THRB: variants seen among roughly 807,000 people sequenced by gnomAD.
The protein encoded by THRB is thyroid hormone receptor beta.
A neutral mutation model predicts 47.8 loss-of-function variants in THRB; 12 were observed. The ratio of observed to expected loss-of-function variants is 0.25; its 90% CI spans 0.16 to 0.41. THRB has a LOEUF of 0.41. THRB is among the 10% of genes least tolerant of loss of function. The probability of loss-of-function intolerance (pLI) is 1.00; values close to 1 mark genes in which losing one functional copy is unlikely to be tolerated. For synonymous variants in THRB, 218 were observed against 212.2 expected, an observed-to-expected ratio of 1.03 and a Z score of -0.24; for missense variants, 348 against 589.2, an observed-to-expected ratio of 0.59 and a Z score of 4.24.
At chr3:24,172,929 G>A (rs913290295) in intron 5 of THRB, among the ~76,000 whole-genome samples, 1 of 152,126 alleles carries the variant, frequency 6.6e-6, no homozygotes, top group Admixed American at 6.5e-5. Flanking sequence ...AGCTACAGCA[G>A]CCTTTTACTA....
At chr3:24,141,594 T>C (rs1053700784) in intron 8 of THRB, among the ~76,000 whole-genome samples, 2 of 152,250 alleles carry the variant, frequency 1.3e-5, no homozygotes, top group African/African-American at 4.8e-5. Flanking sequence ...TGGCACATAG[T>C]ATCCACTCAA....
intron 2 of THRB, among the ~76,000 whole-genome samples, chr3:24,325,531 A>G (rs1381228639): frequency 6.6e-6 from 1 of 152,182 alleles, no homozygotes; most frequent in Non-Finnish European, 1.5e-5. Context: ...TATTAAAAAT[A>G]CAAAAATTAG....
rs889087308 is a variant in THRB at position 24,173,766 on chromosome 3, C to A, written c.283+16308G>T. On this transcript the variant is annotated intron_variant, in intron 5 of 10. Coordinates refer to ENST00000646209, the MANE Select transcript of THRB (RefSeq NM_001354712.2). ...GGTTCTATTCTCAGCCCTCTTCTAA[C>A]CATACATATTCTTCCAGGTGAAGCC... is the stretch of plus-strand genomic sequence containing the variant. Among the ~76,000 whole-genome samples the A allele has an allele frequency of 1.3e-5, 2 of 152,310 alleles. 1 individual carries two copies. Among genetic ancestry groups the A allele is most frequent in the East Asian group, 3.9e-4 (2 of 5,188 alleles).
At chr3:24,143,127 CTAAA>C in intron 8 of THRB, among the ~76,000 whole-genome samples, 1 of 152,134 alleles carries the variant, frequency 6.6e-6, no homozygotes, top group South Asian at 2.1e-4. Flanking sequence ...AGTTCAGGGA[CTAAA>C]TATGTATATA....
intron 1 of THRB, among the ~76,000 whole-genome samples, chr3:24,440,088 A>T (rs1166210626): frequency 6.6e-6 from 1 of 152,214 alleles, no homozygotes; most frequent in Non-Finnish European, 1.5e-5. Flanking sequence ...GTAAATAACA[A>T]ATCTATATAT....
intron 1 of THRB, among the ~76,000 whole-genome samples, chr3:24,461,497 A>G (rs2125655129): frequency 6.6e-6 from 1 of 152,376 alleles, no homozygotes. Flanking sequence ...CTTATCTGCC[A>G]AGTTAAGGCA....
chr3:24,473,053 G>T (rs1039652912), intron 1 of THRB, among the ~76,000 whole-genome samples: 1 of 151,926 alleles, frequency 6.6e-6, no homozygotes, highest in South Asian at 2.1e-4. Context: ...AAATGGACTG[G>T]CCAAAGCTTT....
At chr3:24,387,144 G>T (rs2066185225) in intron 1 of THRB, among the ~76,000 whole-genome samples, 1 of 152,064 alleles carries the variant, frequency 6.6e-6, no homozygotes, top group South Asian at 2.1e-4. Context: ...TCACAGGGAG[G>T]AATATATTCC....
chr3:24,440,477 AT>A (rs1246521667), intron 1 of THRB, among the ~76,000 whole-genome samples: 1 of 152,226 alleles, frequency 6.6e-6, no homozygotes, highest in African/African-American at 2.4e-5. Flanking sequence ...TGATCAATAC[AT>A]TTCTTCAGAT....
intron 1 of THRB, among the ~76,000 whole-genome samples, chr3:24,386,684 C>T (rs922230948): frequency 7.2e-5 from 11 of 152,084 alleles, no homozygotes; most frequent in Non-Finnish European, 1.5e-4. Context: ...ATTTCAACAT[C>T]GATTTCAAGT....
intron 5 of THRB, among the ~76,000 whole-genome samples, chr3:24,169,809 C>T (rs937122187): frequency 6.7e-6 from 1 of 149,932 alleles, no homozygotes; most frequent in African/African-American, 2.4e-5. Context: ...CCACCTGTTT[C>T]GTAAATAAAG....
chr3:24,407,694 C>G (rs1333682950), intron 1 of THRB, among the ~76,000 whole-genome samples: 1 of 151,824 alleles, frequency 6.6e-6, no homozygotes, highest in African/African-American at 2.4e-5. Flanking sequence ...CATTTTCATT[C>G]TATGAACTGA....
intron 1 of THRB, chr3:24,455,104 T>C (rs2125580936): frequency 8.8e-6 from 1 of 113,486 alleles, no homozygotes; most frequent in South Asian, 2.7e-4. Context: ...AATAAGGACT[T>C]ACTTTTTTTT....
At chr3:24,315,530 G>C (rs928559582) in intron 2 of THRB, among the ~76,000 whole-genome samples, 1 of 152,140 alleles carries the variant, frequency 6.6e-6, no homozygotes, top group Non-Finnish European at 1.5e-5. Context: ...ACTACTCCAG[G>C]CTGCTCTCTC....
chr3:24,441,195 T>C (rs1217174543), intron 1 of THRB, among the ~76,000 whole-genome samples: 1 of 152,192 alleles, frequency 6.6e-6, no homozygotes, highest in African/African-American at 2.4e-5. Flanking sequence ...AATTTGCTCC[T>C]CAAGGCCAGT....
In THRB at chr3:24,228,950, T is replaced by G; in HGVS notation, c.10A>C (p.Asn4His). MTPNSMTENGLTAW... is the reference protein window; with the variant it reads MTPHSMTENGLTAW... Reference sequence around the variant, plus strand: ...AAAAAAAAGATACCTGTCATACTGTTGGGAGTCATAGGTTAGTAATCATTC... The same window carrying G: ...AAAAAAAAGATACCTGTCATACTGTGGGGAGTCATAGGTTAGTAATCATTC... The change falls in exon 4 of 11, where the codon AAC becomes CAC. Residue 4 changes from asparagine to histidine, a missense_variant. Transcript: ENST00000646209. 6.2e-7 allele frequency: 1 copy of G among 1,612,968 alleles called. No homozygotes were observed. Among genetic ancestry groups the G allele is most frequent in the Non-Finnish European group, 8.5e-7 (1 of 1,179,388 alleles).
intron 3 of THRB, among the ~76,000 whole-genome samples, chr3:24,278,665 G>GA (rs1050449121): frequency 3.3e-5 from 5 of 152,120 alleles, no homozygotes; most frequent in African/African-American, 1.2e-4. Flanking sequence ...ACATGGTATT[G>GA]AAATTATCTT....
In THRB at chr3:24,352,973, T is replaced by G. The variant is rs548258630; in HGVS notation, c.-260-15602A>C. 3.9e-5 allele frequency among the ~76,000 whole-genome samples: 6 copies of G among 152,276 alleles called. No individual in the cohort carries two copies. In the South Asian group the frequency reaches 1.0e-3, roughly 26 times the overall value. On this transcript the variant is annotated intron_variant, in intron 1 of 10. Coordinates refer to ENST00000646209, the MANE Select transcript of THRB (RefSeq NM_001354712.2). Reference sequence around the variant, plus strand: ...TATTTCTTTATAAACTCTAGTTTTTTCATTCATTGATTGACAAATATCTGG... The same window carrying G: ...TATTTCTTTATAAACTCTAGTTTTTGCATTCATTGATTGACAAATATCTGG...
At chr3:24,187,384 G>A (rs922189688) in intron 5 of THRB, among the ~76,000 whole-genome samples, 1 of 152,230 alleles carries the variant, frequency 6.6e-6, no homozygotes, top group African/African-American at 2.4e-5. Flanking sequence ...CTAGATGACT[G>A]ATCTGGCAGA....
Sources: gnomAD v4.1 joint callset for allele counts (sites outside exome capture counted in the v4.1 genomes callset) on GRCh38, gnomAD v4.1.1 for gene constraint, MANE v1.5 for transcripts, NCBI Gene and HGNC (gene_info 2026-07-23, HGNC 2026-07-21) for gene names.